Variants in KIAA1671 observed in about 807,000 individuals in gnomAD.
KIAA1671 encodes uncharacterized protein KIAA1671.
Under a neutral mutation model 131.2 loss-of-function variants are expected in KIAA1671, and 52 were observed. The ratio of observed to expected loss-of-function variants is 0.40; its 90% CI spans 0.32 to 0.50. The LOEUF (loss-of-function observed/expected upper bound fraction) is 0.50. Ranked by LOEUF, KIAA1671 falls within the 20% of genes least tolerant of loss-of-function variation. The pLI, the probability that KIAA1671 is intolerant of heterozygous loss-of-function variation, is 0.73. For synonymous variants in KIAA1671, 1,003 were observed against 961.6 expected (o/e 1.04, Z -0.80); for missense variants, 2,360 against 2,364.2 (o/e 1.00, Z 0.04).
At chr22:25,150,836 C>CTTTTTTTTTTT (rs1324671566) in intron 6 of KIAA1671, among the ~76,000 whole-genome samples, 2,354 of 125,546 alleles carry the variant, frequency 0.019, 188 homozygotes, top group African/African-American at 0.067. Flanking sequence ...GGGTCCTTTG[C>CTTTTTTTTTTT]TTTTTTTTTT....
chr22:25,194,797 CGACCCTCT>C lies in KIAA1671; in HGVS notation c.*2397_*2404del, dbSNP rs57848937. 0.25 allele frequency: 38,702 copies of C among 151,934 alleles called. 6,036 individuals carry two copies. The highest frequency in any genetic ancestry group is 0.46 in the East Asian group (2,378 of 5,126). The allele number at this position is 151,934 out of a possible 1,614,324, so 9.4% of individuals were successfully genotyped here. ...GAAGACAATCACAGTGGGTCAAGAG[CGACCCTCT>C]TTCACGTGGGCTCTGCCATGACCTC... is the stretch of plus-strand genomic sequence containing the variant. On this transcript the variant is annotated 3_prime_UTR_variant, in exon 13 of 13. Transcript: ENST00000358431.
In KIAA1671 at chr22:25,185,112, G is replaced by C; in HGVS notation, c.5335G>C (p.Asp1779His). The C allele has an allele frequency of 6.5e-7, 1 of 1,549,682 alleles. No individual in the cohort carries two copies. The highest frequency in any genetic ancestry group is 1.2e-5 in the South Asian group (1 of 83,906). Residue 1779 changes from aspartate to histidine, a missense_variant, in exon 11 of 13, where the codon GAT (aspartate) becomes CAT (histidine). Physicochemically the swap from Asp to His is moderately conservative, Grantham distance 81. Transcript: ENST00000358431. ...CGTGCTGCCTTCCAGCATGGACAAG[G>C]ATGAGAGGTGAGGGGTCTTGGGGAA... Reference protein sequence around the residue: ...SRVLPSSMDKDERSDEPSPQW... With the variant: ...SRVLPSSMDKHERSDEPSPQW...
intron 6 of KIAA1671, among the ~76,000 whole-genome samples, chr22:25,164,818 C>T (rs770855606): frequency 1.3e-4 from 20 of 151,924 alleles, no homozygotes; most frequent in Non-Finnish European, 2.4e-4. Context: ...CCTGGTGGCA[C>T]GCACCTGTAG....
At chr22:25,093,720 C>CTCTCTCTCTCTCTCTCTT (rs1930144230) in intron 6 of KIAA1671, among the ~76,000 whole-genome samples, 1 of 127,442 alleles carries the variant, frequency 7.8e-6, no homozygotes, top group Non-Finnish European at 1.5e-5. Flanking sequence ...CACACACACA[C>CTCTCTCTCTCTCTCTCTT]ACACACACAC....
intron 1 of KIAA1671, among the ~76,000 whole-genome samples, chr22:25,016,635 A>G (rs939053156): frequency 6.6e-6 from 1 of 152,216 alleles, no homozygotes; most frequent in Non-Finnish European, 1.5e-5. Context: ...CAAAATATCC[A>G]GAAATGACAA....
chr22:24,975,761 C>G (rs1045368001), intron 1 of KIAA1671, among the ~76,000 whole-genome samples: 1 of 152,160 alleles, frequency 6.6e-6, no homozygotes, highest in African/African-American at 2.4e-5. Flanking sequence ...AACTGAGGCT[C>G]AGAGAGGGAA....
At chr22:25,076,472 T>TGAAG (rs1929113684) in intron 6 of KIAA1671, among the ~76,000 whole-genome samples, 1 of 152,196 alleles carries the variant, frequency 6.6e-6, no homozygotes, top group Non-Finnish European at 1.5e-5. Flanking sequence ...GCCTGAGTCC[T>TGAAG]TCTCATAGCT....
intron 6 of KIAA1671, among the ~76,000 whole-genome samples, chr22:25,123,804 A>G (rs1932056052): frequency 6.6e-6 from 1 of 152,360 alleles, no homozygotes; most frequent in East Asian, 1.9e-4. Flanking sequence ...TGGCTTCCAG[A>G]AACGGTGTGA....
rs1313371941 is a variant in KIAA1671 at position 25,185,050 on chromosome 22, C to G, written c.5273C>G (p.Pro1758Arg). ...TPSWAPQPKS[P>R]KSPFQPGVLG... Reference sequence around the variant, plus strand: ...AGCTGGGCACCCCAACCCAAGAGCCCCAAGTCCCCCTTCCAGCCTGGGGTG... The same window carrying G: ...AGCTGGGCACCCCAACCCAAGAGCCGCAAGTCCCCCTTCCAGCCTGGGGTG... The change falls in exon 11 of 13, where the codon CCC becomes CGC. Residue 1758 changes from proline to arginine, a missense_variant. Physicochemically the swap from Pro to Arg is moderately radical, Grantham distance 103. Around this residue, in one of 3 missense-constraint regions of KIAA1671, gnomAD observed 1,161 missense variants for 1,204.7 expected, o/e 0.96. Transcript: ENST00000358431. 18 of 1,551,650 alleles carry G rather than the reference C, an allele frequency of 1.2e-5. No homozygotes were observed. The highest frequency in any genetic ancestry group is 4.9e-5 in the East Asian group (2 of 40,904).
At chr22:25,174,923 T>C (rs1292462726) in intron 8 of KIAA1671, 1 of 158,044 alleles carries the variant, frequency 6.3e-6, no homozygotes, top group African/African-American at 2.4e-5. Flanking sequence ...AAGGTCTTGC[T>C]TGGTACAACA....
chr22:25,184,923 G>T, intron 10 of KIAA1671, 54 bp from the exon 11 acceptor site: 1 of 1,545,064 alleles, frequency 6.5e-7, no homozygotes, highest in Admixed American at 2.0e-5. Flanking sequence ...CATGGGAGGG[G>T]GCCCTTCCCC....
At chr22:25,142,853 T>C (rs990310101) in intron 6 of KIAA1671, among the ~76,000 whole-genome samples, 4 of 152,060 alleles carry the variant, frequency 2.6e-5, no homozygotes, top group Non-Finnish European at 5.9e-5. Context: ...AGAGCAAGAC[T>C]CCATCTCAAA....
intron 1 of KIAA1671, among the ~76,000 whole-genome samples, chr22:24,964,321 T>C (rs182815992): frequency 6.6e-6 from 1 of 152,002 alleles, no homozygotes; most frequent in African/African-American, 2.4e-5. Flanking sequence ...AGAGGGAGAC[T>C]CTGTCTCAAC....
chr22:24,970,755 A>C lies in KIAA1671; in HGVS notation c.-208+17983A>C, dbSNP rs180797412. On this transcript the variant is annotated intron_variant, in intron 1 of 12. Coordinates refer to ENST00000358431, the MANE Select transcript of KIAA1671 (RefSeq NM_001145206.2). ...TAAAAAAAAAAACAAAACAAAACTC[A>C]TAACATTTTAAGAAAGTTTATGAAT... 8.1e-4 allele frequency among the ~76,000 whole-genome samples: 122 copies of C among 151,140 alleles called. 1 individual carries two copies. The highest frequency in any genetic ancestry group is 2.6e-3 in the African/African-American group (108 of 40,978).
rs368277575 is a variant in KIAA1671 at position 25,047,829 on chromosome 22, T to C, written c.4396-1401T>C. On this transcript the variant is annotated intron_variant, in intron 5 of 12. Coordinates refer to ENST00000358431, the MANE Select transcript of KIAA1671 (RefSeq NM_001145206.2). ...AAAAGTTTTTAATTTTGAAGAAGTC[T>C]ATTTTATTTATTGTTCTTTTGTTGT... Among the ~76,000 whole-genome samples, 422 of 152,388 alleles carry C rather than the reference T, an allele frequency of 2.8e-3. 1 individual carries two copies. Among genetic ancestry groups the C allele is most frequent in the African/African-American group, 9.7e-3 (402 of 41,594 alleles).
intron 6 of KIAA1671, among the ~76,000 whole-genome samples, chr22:25,081,278 G>A (rs1343662502): frequency 6.6e-6 from 1 of 152,202 alleles, no homozygotes; most frequent in African/African-American, 2.4e-5. Flanking sequence ...CCAATTCTAA[G>A]AGTCCAGTAA....
At chr22:25,080,711 G>A (rs1453882063) in intron 6 of KIAA1671, among the ~76,000 whole-genome samples, 1 of 152,136 alleles carries the variant, frequency 6.6e-6, no homozygotes, top group Non-Finnish European at 1.5e-5. Context: ...ATCACACCTG[G>A]CCAATTTCAG....
In KIAA1671 at chr22:25,038,791, G is replaced by A. The variant is rs1926750059; in HGVS notation, c.1661G>A (p.Cys554Tyr). ...GAGGGGCACAGTTTGGATGGAGCATGCATCCCGAGAAGCCCCTGGAAGCCT... is the reference window on the plus strand; with the variant it reads ...GAGGGGCACAGTTTGGATGGAGCATACATCCCGAGAAGCCCCTGGAAGCCT... ...QKEGHSLDGA[C>Y]IPRSPWKPGT... Residue 554 changes from cysteine (C) to tyrosine (Y), a missense_variant, in exon 5 of 13, where the codon TGC becomes TAC. Around this residue, in one of 3 missense-constraint regions of KIAA1671, gnomAD observed 1,185 missense variants for 1,126.2 expected, o/e 1.05. Transcript: ENST00000358431. 2 of 1,549,434 alleles carry A rather than the reference G, an allele frequency of 1.3e-6. No homozygotes were observed. Among genetic ancestry groups the A allele is most frequent in the African/African-American group, 1.4e-5 (1 of 73,098 alleles).
chr22:24,960,167 A>T (rs894065289), intron 1 of KIAA1671, among the ~76,000 whole-genome samples: 5 of 146,258 alleles, frequency 3.4e-5, no homozygotes, highest in Non-Finnish European at 6.1e-5. Context: ...ATAAATAAAT[A>T]AAATAAAACA....
Sources: gnomAD v4.1 joint callset for allele counts (sites outside exome capture counted in the v4.1 genomes callset) on GRCh38, gnomAD v4.1.1 for gene constraint, gnomAD v4.1.1 regional missense constraint, MANE v1.5 for transcripts, NCBI Gene and HGNC (gene_info 2026-07-23, HGNC 2026-07-21) for gene names.